The following SLC39A11 variants were observed in gnomAD, a reference collection of about 807,000 sequenced individuals.
SLC39A11 encodes solute carrier family 39 member 11.
SLC39A11 carries 33 observed loss-of-function variants against 36.1 expected under a neutral mutation model. That is an observed-to-expected ratio of 0.91 (90% CI 0.69 to 1.22). SLC39A11 has a LOEUF of 1.22. SLC39A11 is among the 50% of genes most tolerant of loss of function. The probability of loss-of-function intolerance (pLI) is 0.00; values close to 1 mark genes in which losing one functional copy is unlikely to be tolerated. For missense variants in SLC39A11, 432 were observed against 430.3 expected (o/e 1.00, Z -0.03); for synonymous variants, 166 against 170.3 (o/e 0.97, Z 0.20).
intron 5 of SLC39A11, among the ~76,000 whole-genome samples, chr17:72,870,080 T>C (rs1195266882): frequency 1.3e-5 from 2 of 152,132 alleles, no homozygotes; most frequent in African/African-American, 4.8e-5. Context: ...CATCTGCATT[T>C]TTAAAAACTA....
chr17:73,043,256 G>A (rs1056528313), intron 3 of SLC39A11, among the ~76,000 whole-genome samples: 1 of 152,190 alleles, frequency 6.6e-6, no homozygotes, highest in Non-Finnish European at 1.5e-5. Context: ...CAAGTACACA[G>A]AGGCTTATGT....
intron 1 of SLC39A11, among the ~76,000 whole-genome samples, chr17:73,089,516 G>A (rs1470240248): frequency 2.0e-5 from 3 of 152,080 alleles, no homozygotes; most frequent in Admixed American, 6.5e-5. Context: ...CCAACCTCAC[G>A]ACCAAGGCTT....
intron 7 of SLC39A11, among the ~76,000 whole-genome samples, chr17:72,650,337 G>T (rs551192576): frequency 6.6e-6 from 1 of 152,200 alleles, no homozygotes; most frequent in Non-Finnish European, 1.5e-5. Flanking sequence ...AATGGGATGC[G>T]TACAAATGCA....
intron 4 of SLC39A11, among the ~76,000 whole-genome samples, chr17:73,021,722 C>T (rs969960759): frequency 3.9e-5 from 6 of 152,178 alleles, no homozygotes; most frequent in African/African-American, 1.4e-4. Context: ...TTTTCATAAA[C>T]ATGTGGCTGA....
intron 7 of SLC39A11, among the ~76,000 whole-genome samples, chr17:72,683,167 C>T (rs1178499984): frequency 6.6e-6 from 1 of 152,124 alleles, no homozygotes; most frequent in Non-Finnish European, 1.5e-5. Context: ...GTAAAAGGCC[C>T]ACTCAGACTT....
At chr17:72,819,419 T>G (rs2077693118) in intron 6 of SLC39A11, among the ~76,000 whole-genome samples, 1 of 151,290 alleles carries the variant, frequency 6.6e-6, no homozygotes, top group South Asian at 2.1e-4. Context: ...AGAATCAACT[T>G]CTGTTCTTCA....
chr17:73,062,830 C>T (rs191770734), intron 3 of SLC39A11, among the ~76,000 whole-genome samples: 31 of 152,246 alleles, frequency 2.0e-4, no homozygotes, highest in African/African-American at 6.7e-4. Flanking sequence ...AACCTAGATC[C>T]CTTGCACGTG....
intron 6 of SLC39A11, among the ~76,000 whole-genome samples, chr17:72,841,376 T>C (rs1268152863): frequency 6.6e-6 from 1 of 152,202 alleles, no homozygotes; most frequent in Non-Finnish European, 1.5e-5. Flanking sequence ...CATAAATGAA[T>C]GAGATCCGGT....
At chr17:73,017,675 T>C (rs918408072) in intron 4 of SLC39A11, among the ~76,000 whole-genome samples, 5 of 152,050 alleles carry the variant, frequency 3.3e-5, no homozygotes, top group Non-Finnish European at 5.9e-5. Context: ...ATCACGCCAC[T>C]GCACTCCAGC....
In SLC39A11 at chr17:73,088,729, C is replaced by T. The variant is rs748212579; in HGVS notation, c.36G>A (p.Leu12=). The T allele has an allele frequency of 1.9e-6, 3 of 1,611,352 alleles. No homozygotes were observed. In the Admixed American group the frequency reaches 5.0e-5, roughly 27 times the overall value. The change falls in exon 2 of 10, where the codon TTG becomes TTA. Residue 12 remains leucine (L), a synonymous_variant. Coordinates refer to ENST00000255559, the MANE Select transcript of SLC39A11 (RefSeq NM_139177.4). ...LQGHSSVFQA[L]LGTFFTWGMT... ...TCCCCCAGGTGAAGAAGGTCCCCAG[C>T]AAGGCCTGGAACACAGAGCTGTGGC...
intron 7 of SLC39A11, among the ~76,000 whole-genome samples, chr17:72,724,055 G>A (rs1189493768): frequency 6.6e-6 from 1 of 152,044 alleles, no homozygotes; most frequent in African/African-American, 2.4e-5. Flanking sequence ...GCGATCAGTG[G>A]TGCTAACACG....
rs369468268 is a variant in SLC39A11, at chr17:72,942,061, A to T, written c.430+5691T>A. Among the ~76,000 whole-genome samples, 78 of 147,368 alleles carry T rather than the reference A, an allele frequency of 5.3e-4. No homozygotes were observed. The East Asian group carries it at 0.01, about 20-fold the overall frequency. ...ACGCCTGGCTAATTTTTGTATTATT[A>T]TTATTTTTTTTTTAGTAGAGACAGG... On this transcript the variant is annotated intron_variant, in intron 5 of 9. Transcript: ENST00000255559.
At position 72,846,018 on chromosome 17, in the gene SLC39A11, C is replaced by CTT. The variant is rs569100122; in HGVS notation, c.601+3614_601+3615dup. On this transcript the variant is annotated intron_variant, in intron 6 of 9. Transcript: ENST00000255559. Reference sequence around the variant, plus strand: ...CCAATGAATCTCTCTCTCTCTCTCTCTTTTTTTTTTTTTTTTTTTTTTTTT... The same window carrying CTT: ...CCAATGAATCTCTCTCTCTCTCTCTCTTTTTTTTTTTTTTTTTTTTTTTTTTT... Among the ~76,000 whole-genome samples the CTT allele has an allele frequency of 9.4e-3, 544 of 57,960 alleles. 39 individuals carry two copies. Among genetic ancestry groups the CTT allele is most frequent in the African/African-American group, 0.026 (305 of 11,694 alleles). The allele number at this position is 57,960 out of a possible 152,430, so 38.0% of individuals were successfully genotyped here. A position where few individuals can be genotyped will look rare whatever the true frequency, so the allele number is the denominator to read the frequency against.
chr17:72,655,429 G>A (rs545054083), intron 7 of SLC39A11, among the ~76,000 whole-genome samples: 3 of 152,364 alleles, frequency 2.0e-5, no homozygotes, highest in Admixed American at 6.5e-5. Flanking sequence ...AGGGAGCACC[G>A]GCAAATGCCG....
chr17:72,704,943 G>A (rs894203795), intron 7 of SLC39A11, among the ~76,000 whole-genome samples: 1 of 152,182 alleles, frequency 6.6e-6, no homozygotes, highest in Admixed American at 6.5e-5. Flanking sequence ...GGAGGATATA[G>A]GGCTGGAGTC....
At chr17:72,889,042 A>C (rs2146683971) in intron 5 of SLC39A11, among the ~76,000 whole-genome samples, 1 of 152,340 alleles carries the variant, frequency 6.6e-6, no homozygotes, top group East Asian at 1.9e-4. Context: ...TGCCCAAATA[A>C]ACTCTGACTC....
chr17:72,960,829 A>AC (rs1431765802), intron 4 of SLC39A11, among the ~76,000 whole-genome samples: 5 of 150,510 alleles, frequency 3.3e-5, no homozygotes, highest in Non-Finnish European at 7.4e-5. Context: ...ACAAACAACA[A>AC]AAAAAAAACC....
At chr17:72,975,579 C>T (rs1391767888) in intron 4 of SLC39A11, among the ~76,000 whole-genome samples, 1 of 152,216 alleles carries the variant, frequency 6.6e-6, no homozygotes, top group East Asian at 1.9e-4. Context: ...CACAAATCTG[C>T]TGCTGCCTTG....
At chr17:73,004,608 T>C (rs4969048) in intron 4 of SLC39A11, among the ~76,000 whole-genome samples, 26,615 of 152,266 alleles carry the variant, frequency 0.17, 3,477 homozygotes, top group African/African-American at 0.36. Flanking sequence ...TCCTGCCAGG[T>C]TGGCACTCCA....
Sources: gnomAD v4.1 joint callset for allele counts (sites outside exome capture counted in the v4.1 genomes callset) on GRCh38, gnomAD v4.1.1 for gene constraint, MANE v1.5 for transcripts, NCBI Gene and HGNC (gene_info 2026-07-23, HGNC 2026-07-21) for gene names.